ACYP2: variants seen among roughly 807,000 people sequenced by gnomAD.
The protein encoded by ACYP2 is acylphosphatase-2.
A neutral mutation model predicts 11.2 loss-of-function variants in ACYP2; 12 were observed. The ratio of observed to expected loss-of-function variants is 1.08; its 90% confidence interval spans 0.69 to 1.74. The LOEUF is 1.74. ACYP2 is among the 40% of genes most tolerant of loss of function. The pLI is 0.00. For synonymous variants in ACYP2, 43 were observed against 32.2 expected, an observed-to-expected ratio of 1.33 and a Z score of -1.13; for missense variants, 134 against 101.9, an observed-to-expected ratio of 1.31 and a Z score of -1.35.
At chr2:54,090,028 C>G (rs573778852) in intron 4 of ACYP2, among the ~76,000 whole-genome samples, 6 of 151,760 alleles carry the variant, frequency 4.0e-5, no homozygotes, top group Non-Finnish European at 7.4e-5. Flanking sequence ...CACCTGTAAT[C>G]CCAGTACTCA....
At chr2:54,018,634 G>A (rs996968434) in intron 2 of ACYP2, among the ~76,000 whole-genome samples, 2 of 152,036 alleles carry the variant, frequency 1.3e-5, no homozygotes, top group South Asian at 2.1e-4. Flanking sequence ...ACAACATAGC[G>A]GGACCCCTTC....
Position 54,004,637 on chromosome 2 carries a change from C to G in ACYP2, c.62+30827C>G, listed in dbSNP as rs563339597. On this transcript the variant is annotated intron_variant, in intron 2 of 6. Coordinates refer to ENST00000607452, the MANE Select transcript of ACYP2 (RefSeq NM_001320586.2). ...GTGTTAGCCAGGATGGTCTTGATCT[C>G]CTGACCTTGTGATCGGCCCGCCTTG... is the stretch of plus-strand genomic sequence containing the variant. 2.0e-5 allele frequency among the ~76,000 whole-genome samples: 3 copies of G among 150,980 alleles called. No individual in the cohort carries two copies. The East Asian group carries it at 5.9e-4, about 30-fold the overall frequency.
chr2:54,213,718 C>T (rs1320592480), intron 6 of ACYP2, among the ~76,000 whole-genome samples: 4 of 151,928 alleles, frequency 2.6e-5, no homozygotes, highest in East Asian at 1.9e-4. Context: ...TCTGTGTATG[C>T]GTTCATTTGA....
At chr2:54,161,512 T>C (rs546689112) in intron 6 of ACYP2, among the ~76,000 whole-genome samples, 11 of 152,120 alleles carry the variant, frequency 7.2e-5, no homozygotes, top group Non-Finnish European at 1.2e-4. Context: ...GTCATCTCCA[T>C]GAATGCCTTA....
intron 4 of ACYP2, among the ~76,000 whole-genome samples, chr2:54,074,262 T>C (rs1677210262): frequency 6.6e-6 from 1 of 152,156 alleles, no homozygotes; most frequent in Non-Finnish European, 1.5e-5. Context: ...GAAGGATCAC[T>C]TGAGCCCAGG....
At chr2:54,227,536 A>G (rs1426793881) in intron 6 of ACYP2, among the ~76,000 whole-genome samples, 1 of 151,974 alleles carries the variant, frequency 6.6e-6, no homozygotes, top group Non-Finnish European at 1.5e-5. Flanking sequence ...GCTACTTGGG[A>G]GGCTGAGGCA....
intron 4 of ACYP2, among the ~76,000 whole-genome samples, chr2:54,096,348 A>ATGGG (rs1678578318): frequency 2.1e-5 from 3 of 141,708 alleles, no homozygotes; most frequent in Admixed American, 7.0e-5. Flanking sequence ...CACTTTCCAG[A>ATGGG]CTGGGCAGCC....
At chr2:54,239,186 G>A (rs781468789) in intron 6 of ACYP2, among the ~76,000 whole-genome samples, 4 of 152,062 alleles carry the variant, frequency 2.6e-5, no homozygotes, top group Non-Finnish European at 5.9e-5. Context: ...TTACCTCACT[G>A]GCACCCACAG....
intron 4 of ACYP2, among the ~76,000 whole-genome samples, chr2:54,090,715 G>T (rs1678181523): frequency 6.6e-6 from 1 of 151,966 alleles, no homozygotes; most frequent in Admixed American, 6.6e-5. Context: ...TCTTACGCCT[G>T]GACCGCTCTT....
At chr2:54,102,638 CAAAAAAAAAAAAA>C (rs58842257) in intron 4 of ACYP2, among the ~76,000 whole-genome samples, 32 of 83,298 alleles carry the variant, frequency 3.8e-4, no homozygotes, top group African/African-American at 6.4e-4. Flanking sequence ...TGGCTTAAGC[CAAAAAAAAAAAAA>C]AAAAAAAAAA....
At chr2:54,242,006 A>G (rs1451625497) in intron 6 of ACYP2, among the ~76,000 whole-genome samples, 2 of 152,124 alleles carry the variant, frequency 1.3e-5, no homozygotes, top group African/African-American at 4.8e-5. Flanking sequence ...ACAGCAAGAC[A>G]CTGTATCAAA....
intron 6 of ACYP2, among the ~76,000 whole-genome samples, chr2:54,159,460 G>A (rs1344445813): frequency 1.3e-5 from 2 of 150,886 alleles, no homozygotes; most frequent in Non-Finnish European, 2.9e-5. Flanking sequence ...CACCTGCCTC[G>A]GCCTCCAAAA....
intron 6 of ACYP2, among the ~76,000 whole-genome samples, chr2:54,296,448 A>AT (rs1404370622): frequency 6.6e-6 from 1 of 152,118 alleles, no homozygotes; most frequent in Non-Finnish European, 1.5e-5. Flanking sequence ...ACACAAATAG[A>AT]TTTTTCCTTA....
intron 6 of ACYP2, among the ~76,000 whole-genome samples, chr2:54,227,092 G>A (rs1346791599): frequency 6.6e-6 from 1 of 152,082 alleles, no homozygotes; most frequent in African/African-American, 2.4e-5. Context: ...AGTAAAATTT[G>A]GAAGTTGACT....
At chr2:54,033,208 T>C (rs1308427203) in intron 2 of ACYP2, among the ~76,000 whole-genome samples, 1 of 151,750 alleles carries the variant, frequency 6.6e-6, no homozygotes, top group Non-Finnish European at 1.5e-5. Context: ...ATTTTTTTTT[T>C]TTTTTTTGAG....
At chr2:53,989,566 T>C (rs1485903550) in intron 2 of ACYP2, among the ~76,000 whole-genome samples, 1 of 152,146 alleles carries the variant, frequency 6.6e-6, no homozygotes, top group East Asian at 1.9e-4. Context: ...TCGGGACATC[T>C]CCCATTATCT....
chr2:54,298,822 G>A (rs1437609921), intron 6 of ACYP2, among the ~76,000 whole-genome samples: 1 of 152,148 alleles, frequency 6.6e-6, no homozygotes. Flanking sequence ...TGTGATCTCG[G>A]CTCATTGCAA....
At chr2:54,119,706 A>G (rs896807595) in intron 4 of ACYP2, among the ~76,000 whole-genome samples, 1 of 152,358 alleles carries the variant, frequency 6.6e-6, no homozygotes, top group Admixed American at 6.5e-5. Context: ...ATGTGTTGTT[A>G]GTATAGGGAC....
At chr2:54,014,830 G>A (rs565493444) in intron 2 of ACYP2, among the ~76,000 whole-genome samples, 43 of 151,974 alleles carry the variant, frequency 2.8e-4, no homozygotes, top group African/African-American at 8.9e-4. Flanking sequence ...TGCAATCATG[G>A]CTTACAGCAA....
Sources: gnomAD v4.1 joint callset for allele counts (sites outside exome capture counted in the v4.1 genomes callset) on GRCh38, gnomAD v4.1.1 for gene constraint, MANE v1.5 for transcripts, NCBI Gene and HGNC (gene_info 2026-07-23, HGNC 2026-07-21) for gene names.